Variants in PRPF8 observed in about 807,000 individuals in gnomAD.
PRPF8 encodes pre-mRNA-processing-splicing factor 8.
Under a neutral mutation model 285.9 loss-of-function variants are expected in PRPF8, and 64 were observed. That is an observed-to-expected ratio of 0.22 (90% CI 0.18 to 0.28). The LOEUF (loss-of-function observed/expected upper bound fraction) is 0.28. Ranked by LOEUF, PRPF8 falls within the 10% of genes least tolerant of loss-of-function variation. The pLI, the probability that PRPF8 is intolerant of heterozygous loss-of-function variation, is 1.00. For synonymous variants in PRPF8, 1,325 were observed against 1,118.2 expected (o/e 1.18, Z -3.69); for missense variants, 1,426 against 3,026.7 (o/e 0.47, Z 12.41).
Position 1,673,209 on chromosome 17 carries a change from A to G in PRPF8, c.3658-12T>C, listed in dbSNP as rs1912421330. The G allele has an allele frequency of 6.2e-7, 1 of 1,612,864 alleles. No individual in the cohort carries two copies. Among genetic ancestry groups the G allele is most frequent in the Non-Finnish European group, 8.5e-7 (1 of 1,178,814 alleles). ...CGCTCCTTAGTAACCTAAACCACAA[A>G]GTCAAGGTTAACATGTCCGAGGAAC... is the stretch of plus-strand genomic sequence containing the variant. On this transcript the variant is annotated splice_polypyrimidine_tract_variant and intron_variant, in intron 23 of 42. Transcript: ENST00000304992. The surrounding 1 kb of genome is among the most constrained non-coding windows in gnomAD (Gnocchi z 5.5).
chr17:1,663,798 A>T (rs1911806016), intron 24 of PRPF8, among the ~76,000 whole-genome samples: 1 of 151,816 alleles, frequency 6.6e-6, no homozygotes, highest in Admixed American at 6.6e-5. Flanking sequence ...ACAGATTAAC[A>T]GTAAAAAGAT....
In PRPF8 at chr17:1,656,636, C is replaced by T; in HGVS notation, c.5619+12G>A. 1 of 1,613,918 alleles carries T rather than the reference C, an allele frequency of 6.2e-7. No individual in the cohort carries two copies. The highest frequency in any genetic ancestry group is 8.5e-7 in the Non-Finnish European group (1 of 1,179,924). On this transcript the variant is annotated intron_variant, in intron 35 of 42. Coordinates refer to ENST00000304992, the MANE Select transcript of PRPF8 (RefSeq NM_006445.4). ...AAGGTCTCTTTTCTCCTACCCCACC[C>T]CACCCTCTTACCTCCAGTGGGTCCA...
At position 1,651,919 on chromosome 17, in the gene PRPF8, G is replaced by A. The variant is rs754531006; in HGVS notation, c.6370-131C>T. On this transcript the variant is annotated intron_variant, in intron 39 of 42. Coordinates refer to ENST00000304992, the MANE Select transcript of PRPF8 (RefSeq NM_006445.4). The surrounding 1 kb of genome is among the most constrained non-coding windows in gnomAD (Gnocchi z 5.1). ...TCTTAAAACGTGATCAGAACCCCCTGTATCAGAATCAGCTGGGGTGCTTGT... is the reference window on the plus strand; with the variant it reads ...TCTTAAAACGTGATCAGAACCCCCTATATCAGAATCAGCTGGGGTGCTTGT... The A allele has an allele frequency of 7.5e-6, 9 of 1,194,062 alleles. No individual in the cohort carries two copies. Among genetic ancestry groups the A allele is most frequent in the African/African-American group, 4.5e-5 (3 of 66,664 alleles). The allele number at this position is 1,194,062 out of a possible 1,614,324, so 74.0% of individuals were successfully genotyped here.
chr17:1,681,411 C>CT (rs1381822057), intron 6 of PRPF8, 67 bp downstream of exon 6: 26 of 1,485,308 alleles, frequency 1.8e-5, no homozygotes, highest in Non-Finnish European at 2.4e-5. Context: ...TATATCAGGA[C>CT]TTTAAGGATC....
At chr17:1,665,921 G>A (rs1911950339) in intron 24 of PRPF8, among the ~76,000 whole-genome samples, 1 of 151,732 alleles carries the variant, frequency 6.6e-6, no homozygotes, top group Admixed American at 6.6e-5. Flanking sequence ...AACACTTTGG[G>A]AGGCCGAGGC....
Position 1,653,666 on chromosome 17 carries a change from T to C in PRPF8, c.6245A>G (p.Asn2082Ser), listed in dbSNP as rs546321997. 9 of 1,614,144 alleles carry C rather than the reference T, an allele frequency of 5.6e-6. No individual in the cohort carries two copies. Among genetic ancestry groups the C allele is most frequent in the African/African-American group, 1.3e-5 (1 of 75,042 alleles). The change falls in exon 39 of 43, where the codon AAC becomes AGC. Residue 2082 changes from asparagine to serine, a missense_variant. Physicochemically the swap from Asn to Ser is conservative, Grantham distance 46 (BLOSUM62 1). Around this residue, in one of 34 missense-constraint regions of PRPF8, gnomAD observed 160 missense variants for 373.7 expected, o/e 0.43. Coordinates refer to ENST00000304992, the MANE Select transcript of PRPF8 (RefSeq NM_006445.4). This position sits in a 1 kb window ranked among gnomAD's most constrained non-coding sequence, Gnocchi z 4.9. Reference sequence around the variant, plus strand: ...GATGTGATTGGTCCTTAGGTGCAGGTTGGCAGCAGAGATGGCCCTAAAAAC... The same window carrying C: ...GATGTGATTGGTCCTTAGGTGCAGGCTGGCAGCAGAGATGGCCCTAAAAAC... ...EWRVRAISAA[N>S]LHLRTNHIYV...
chr17:1,672,739 G>A (rs997787366), intron 24 of PRPF8, among the ~76,000 whole-genome samples: 2 of 152,048 alleles, frequency 1.3e-5, no homozygotes, highest in Non-Finnish European at 2.9e-5. Flanking sequence ...TTTTTCACAG[G>A]TTCTCTATGC....
At chr17:1,663,999 G>T (rs532410691) in intron 24 of PRPF8, among the ~76,000 whole-genome samples, 2 of 152,114 alleles carry the variant, frequency 1.3e-5, no homozygotes, top group South Asian at 4.2e-4. Flanking sequence ...AAAAATGATG[G>T]ACCTGAAAGA....
intron 36 of PRPF8, among the ~76,000 whole-genome samples, chr17:1,655,870 C>G (rs1018823005): frequency 1.3e-5 from 2 of 151,526 alleles, no homozygotes; most frequent in Non-Finnish European, 2.9e-5. Context: ...TCGTGATCCG[C>G]CGCCTCGGCC....
rs1398526752 is a variant in PRPF8 at position 1,658,794 on chromosome 17, A to G, written c.5139-31T>C. 2 of 1,595,312 alleles carry G rather than the reference A, an allele frequency of 1.3e-6. No individual in the cohort carries two copies. Among genetic ancestry groups the G allele is most frequent in the South Asian group, 2.2e-5 (2 of 90,698 alleles). On this transcript the variant is annotated intron_variant, in intron 32 of 42. Coordinates refer to ENST00000304992, the MANE Select transcript of PRPF8 (RefSeq NM_006445.4). This position sits in a 1 kb window ranked among gnomAD's most constrained non-coding sequence, Gnocchi z 4.1. ...AGGATAAAAGGGTCAAGAAAAGTTA[A>G]GACGAGAATGACAGCCCCAGAAACA...
At position 1,659,705 on chromosome 17, in the gene PRPF8, T is replaced by A. The variant is rs72820380; in HGVS notation, c.4946+136A>T. 5.9e-6 allele frequency: 8 copies of A among 1,366,366 alleles called. No homozygotes were observed. The highest frequency in any genetic ancestry group is 8.1e-6 in the Non-Finnish European group (8 of 983,092). The allele number at this position is 1,366,366 out of a possible 1,614,324, so 84.6% of individuals were successfully genotyped here. ...GAATCAGCAGATCTGACTAAGGGTGTTGACAGGCTCCAAGCGTAGCACTGG... is the reference window on the plus strand; with the variant it reads ...GAATCAGCAGATCTGACTAAGGGTGATGACAGGCTCCAAGCGTAGCACTGG... On this transcript the variant is annotated intron_variant, in intron 31 of 42. Coordinates refer to ENST00000304992, the MANE Select transcript of PRPF8 (RefSeq NM_006445.4). This position sits in a 1 kb window ranked among gnomAD's most constrained non-coding sequence, Gnocchi z 5.1.
rs1484921476 is a variant in PRPF8 at position 1,675,100 on chromosome 17, G to A, written c.3060+52C>T. The A allele has an allele frequency of 3.1e-6, 5 of 1,605,554 alleles. No homozygotes were observed. The highest frequency in any genetic ancestry group is 4.3e-6 in the Non-Finnish European group (5 of 1,175,178). On this transcript the variant is annotated intron_variant, in intron 20 of 42. Coordinates refer to ENST00000304992, the MANE Select transcript of PRPF8 (RefSeq NM_006445.4). This position sits in a 1 kb window ranked among gnomAD's most constrained non-coding sequence, Gnocchi z 6.0. ...CTCCTCAGCAAATTCTGAGTCAGTG[G>A]GCCAGACAAGCACTCCACACACAAT... is the stretch of plus-strand genomic sequence containing the variant.
At chr17:1,660,602 CA>C (rs1911631885) in intron 29 of PRPF8, 24 bp from the exon 30 acceptor site, 40 of 1,614,194 alleles carry the variant, frequency 2.5e-5, no homozygotes, top group Non-Finnish European at 3.4e-5. Flanking sequence ...GACAATGTGA[CA>C]TTAGAGATCA....
At chr17:1,652,702 T>C (rs1002898279) in intron 39 of PRPF8, 5 of 149,046 alleles carry the variant, frequency 3.4e-5, no homozygotes, top group Non-Finnish European at 7.4e-5. Context: ...TATGCCACCA[T>C]GCCTGGCTAG....
At chr17:1,684,074 A>G (rs1215416788) in intron 2 of PRPF8, among the ~76,000 whole-genome samples, 1 of 151,876 alleles carries the variant, frequency 6.6e-6, no homozygotes. Flanking sequence ...TTTCGTAGAG[A>G]CGAGGTTTCA....
chr17:1,656,729 G>A lies in PRPF8; in HGVS notation c.5538C>T (p.Ala1846=), dbSNP rs372925838. Residue 1846 remains alanine (A), a synonymous_variant, in exon 35 of 43, where the codon GCC becomes GCT. Transcript: ENST00000304992. ...LAKWKTAEEV[A]ALIRSLPVEE... is the part of the protein sequence containing the mutation. The stretch of plus-strand genomic sequence containing the variant: ...CCACAGGCAGAGATCGGATCAGGGC[G>A]GCCACCTCCTCAGCTGTCTTCCACT... 268 of 1,613,826 alleles carry A rather than the reference G, an allele frequency of 1.7e-4. No individual in the cohort carries two copies. The highest frequency in any genetic ancestry group is 1.6e-4 in the Middle Eastern group (1 of 6,084).
At position 1,675,361 on chromosome 17, in the gene PRPF8, C is replaced by A. The variant is rs367795823; in HGVS notation, c.2873-22G>T. On this transcript the variant is annotated intron_variant, in intron 19 of 42. Transcript: ENST00000304992. The surrounding 1 kb of genome is among the most constrained non-coding windows in gnomAD (Gnocchi z 6.0). ...ATGCCTGAGGAGTAGCAAGGCAGGTCTCCAGCAGGTTAGAAATCCTCTTGC... is the reference window on the plus strand; with the variant it reads ...ATGCCTGAGGAGTAGCAAGGCAGGTATCCAGCAGGTTAGAAATCCTCTTGC... The A allele has an allele frequency of 1.2e-6, 2 of 1,613,638 alleles. No individual in the cohort carries two copies. Among genetic ancestry groups the A allele is most frequent in the African/African-American group, 2.7e-5 (2 of 74,900 alleles).
rs200741294 is a variant in PRPF8 at position 1,651,304 on chromosome 17, C to T, written c.6657G>A (p.Thr2219=). ...AGGCCGTCAGTGTACAGGAGCCTGG[C>T]GTGAAGCTGGGGGAGGAACGAGGAC... ...EKTIIITCSF[T]PGSCTLTAYK... is the part of the protein sequence containing the mutation. The change falls in exon 42 of 43, where the codon ACG becomes ACA. Residue 2219 remains threonine, a synonymous_variant. Coordinates refer to ENST00000304992, the MANE Select transcript of PRPF8 (RefSeq NM_006445.4). This position sits in a 1 kb window ranked among gnomAD's most constrained non-coding sequence, Gnocchi z 5.1. 405 of 1,614,112 alleles carry T rather than the reference C, an allele frequency of 2.5e-4. No individual in the cohort carries two copies. Among genetic ancestry groups the T allele is most frequent in the Non-Finnish European group, 3.3e-4 (385 of 1,180,020 alleles).
rs1438342049 is a variant in PRPF8 at position 1,661,001 on chromosome 17, C to G, written c.4500G>C (p.Gly1500=). The G allele has an allele frequency of 4.3e-6, 7 of 1,613,802 alleles. No homozygotes were observed. The highest frequency in any genetic ancestry group is 5.1e-6 in the Non-Finnish European group (6 of 1,180,036). The change falls in exon 28 of 43, where the codon GGG becomes GGC. Residue 1500 remains glycine, a synonymous_variant. Coordinates refer to ENST00000304992, the MANE Select transcript of PRPF8 (RefSeq NM_006445.4). The surrounding 1 kb of genome is among the most constrained non-coding windows in gnomAD (Gnocchi z 7.3). The stretch of plus-strand genomic sequence containing the variant: ...GAGAGGAGAATCCTCACCAGAAAAG[C>G]CCCTCCCAGGTAGGGAAGTAAGTGC... The part of the protein sequence containing the change: ...FKGTYFPTWE[G]LFWEKASGFE...
Sources: gnomAD v4.1 joint callset for allele counts (sites outside exome capture counted in the v4.1 genomes callset) on GRCh38, gnomAD v4.1.1 for gene constraint, gnomAD v4.1.1 regional missense constraint, Gnocchi (gnomAD v3.1) non-coding constraint, MANE v1.5 for transcripts, NCBI Gene and HGNC (gene_info 2026-07-23, HGNC 2026-07-21) for gene names.